The following ERC2 variants were observed in gnomAD, a reference collection of about 807,000 sequenced individuals.
The protein encoded by ERC2 is ERC protein 2.
Under a neutral mutation model 114.8 loss-of-function variants are expected in ERC2, and 42 were observed. The ratio of observed to expected loss-of-function variants is 0.37; its 90% CI spans 0.29 to 0.47. The LOEUF (loss-of-function observed/expected upper bound fraction) is 0.47, where lower values mean the gene tolerates loss of function less well. Among genes scored for constraint, ERC2 ranks in the 20% least tolerant of loss-of-function variants. The pLI is 0.99. For missense variants in ERC2, 939 were observed against 1,150.7 expected, an observed-to-expected ratio of 0.82 and a Z score of 2.66; for synonymous variants, 454 against 425.5, an observed-to-expected ratio of 1.07 and a Z score of -0.82.
At chr3:56,107,597 G>C (rs562786965) in intron 6 of ERC2, among the ~76,000 whole-genome samples, 1 of 152,082 alleles carries the variant, frequency 6.6e-6, no homozygotes, top group Non-Finnish European at 1.5e-5. Context: ...GCAACCACAA[G>C]AGCTAAAGCA....
intron 2 of ERC2, among the ~76,000 whole-genome samples, chr3:56,400,264 G>A (rs564866714): frequency 6.6e-6 from 1 of 152,174 alleles, no homozygotes; most frequent in South Asian, 2.1e-4. Context: ...GGGTTTGGAT[G>A]GTGTAGAAGT....
At chr3:56,437,910 T>G (rs903398215) in intron 1 of ERC2, among the ~76,000 whole-genome samples, 2 of 152,248 alleles carry the variant, frequency 1.3e-5, no homozygotes, top group African/African-American at 4.8e-5. Context: ...CTCACACTGT[T>G]GTAAAACACA....
chr3:56,352,425 A>G (rs1389146821), intron 2 of ERC2, among the ~76,000 whole-genome samples: 2 of 152,176 alleles, frequency 1.3e-5, no homozygotes, highest in Non-Finnish European at 2.9e-5. Flanking sequence ...TACAGCTAGG[A>G]TGCTGGAGAC....
At chr3:55,904,899 T>G (rs2064341471) in intron 13 of ERC2, among the ~76,000 whole-genome samples, 2 of 152,250 alleles carry the variant, frequency 1.3e-5, no homozygotes, top group South Asian at 4.1e-4. Flanking sequence ...CGGTCATTCC[T>G]GCTAAGGTTT....
At chr3:55,686,460 G>T (rs536158688) in intron 16 of ERC2, among the ~76,000 whole-genome samples, 2 of 152,308 alleles carry the variant, frequency 1.3e-5, no homozygotes, top group East Asian at 3.9e-4. Flanking sequence ...GTCAGAGTGA[G>T]TGTCCGTTTG....
chr3:55,856,685 G>C (rs1211568687), intron 14 of ERC2, among the ~76,000 whole-genome samples: 2 of 152,016 alleles, frequency 1.3e-5, no homozygotes, highest in Non-Finnish European at 2.9e-5. Flanking sequence ...CAAGAGAAAT[G>C]AAAACACATA....
At chr3:56,363,898 A>G (rs1031357114) in intron 2 of ERC2, among the ~76,000 whole-genome samples, 26 of 150,304 alleles carry the variant, frequency 1.7e-4, no homozygotes, top group Middle Eastern at 3.4e-3. Flanking sequence ...AGGGGAAGGG[A>G]AGGAAGGGAA....
chr3:55,872,736 T>G (rs1037683584), intron 14 of ERC2, among the ~76,000 whole-genome samples: 2 of 152,180 alleles, frequency 1.3e-5, no homozygotes, highest in African/African-American at 2.4e-5. Flanking sequence ...TCTCTAAGCT[T>G]TCTGAATCTA....
At chr3:56,371,355 C>T (rs1012289381) in intron 2 of ERC2, among the ~76,000 whole-genome samples, 2 of 152,184 alleles carry the variant, frequency 1.3e-5, no homozygotes, top group African/African-American at 2.4e-5. Context: ...CCATCTGCAG[C>T]TTCCCCAAGC....
chr3:55,672,998 C>T (rs1488175115), intron 17 of ERC2, among the ~76,000 whole-genome samples: 1 of 152,102 alleles, frequency 6.6e-6, no homozygotes, highest in Non-Finnish European at 1.5e-5. Flanking sequence ...TAGCTGGCAC[C>T]CTCACACATC....
intron 6 of ERC2, among the ~76,000 whole-genome samples, chr3:56,098,309 T>TTAAGAAG: frequency 6.6e-6 from 1 of 152,324 alleles, no homozygotes; most frequent in South Asian, 2.1e-4. Flanking sequence ...GCAGTCACCA[T>TTAAGAAG]CAACCAAAGT....
chr3:56,340,654 T>G lies in ERC2; in HGVS notation c.658-44219A>C, dbSNP rs570136769. 1.5e-3 allele frequency among the ~76,000 whole-genome samples: 234 copies of G among 151,700 alleles called. 1 individual carries two copies. The highest frequency in any genetic ancestry group is 1.0e-3 in the Non-Finnish European group (69 of 67,916). On this transcript the variant is annotated intron_variant, in intron 2 of 17. Coordinates refer to ENST00000288221, the MANE Select transcript of ERC2 (RefSeq NM_015576.3). ...TGGGGCAAGTTTTCTTTTAACAGCATGCATAATCGTCTGACAATTGCCCAC... is the reference window on the plus strand; with the variant it reads ...TGGGGCAAGTTTTCTTTTAACAGCAGGCATAATCGTCTGACAATTGCCCAC...
At chr3:55,984,678 T>C (rs1437858463) in intron 12 of ERC2, among the ~76,000 whole-genome samples, 9 of 152,242 alleles carry the variant, frequency 5.9e-5, no homozygotes, top group African/African-American at 2.2e-4. Flanking sequence ...GTCATTAAAT[T>C]TGAGAATAAG....
intron 14 of ERC2, among the ~76,000 whole-genome samples, chr3:55,745,448 A>T (rs1395348279): frequency 6.6e-6 from 1 of 152,222 alleles, no homozygotes; most frequent in African/African-American, 2.4e-5. Context: ...TAAATCTAGG[A>T]AGCAGGGAGG....
At chr3:56,359,122 G>A (rs1447454632) in intron 2 of ERC2, among the ~76,000 whole-genome samples, 1 of 152,194 alleles carries the variant, frequency 6.6e-6, no homozygotes, top group Non-Finnish European at 1.5e-5. Context: ...TGGCATATCT[G>A]CTAAAAGCCC....
At chr3:55,560,702 T>G (rs1469663736) in intron 17 of ERC2, among the ~76,000 whole-genome samples, 2 of 152,162 alleles carry the variant, frequency 1.3e-5, no homozygotes, top group African/African-American at 4.8e-5. Context: ...AATTCTGATA[T>G]GTAAGAAAAT....
At chr3:56,315,640 A>G (rs1323851816) in intron 2 of ERC2, among the ~76,000 whole-genome samples, 1 of 152,178 alleles carries the variant, frequency 6.6e-6, no homozygotes, top group African/African-American at 2.4e-5. Flanking sequence ...GTGAAATAGA[A>G]ATTTCTCCAA....
At chr3:56,020,296 C>T (rs977206858) in intron 7 of ERC2, among the ~76,000 whole-genome samples, 38 of 152,150 alleles carry the variant, frequency 2.5e-4, no homozygotes, top group Admixed American at 2.2e-3. Context: ...TTCTTCCAGC[C>T]TCCTTCCATC....
At chr3:56,227,788 A>G (rs1288399190) in intron 3 of ERC2, among the ~76,000 whole-genome samples, 1 of 152,200 alleles carries the variant, frequency 6.6e-6, no homozygotes, top group African/African-American at 2.4e-5. Context: ...CACCCAAGAG[A>G]AATGAGCGAA....
Sources: gnomAD v4.1 joint callset for allele counts (sites outside exome capture counted in the v4.1 genomes callset) on GRCh38, gnomAD v4.1.1 for gene constraint, MANE v1.5 for transcripts, NCBI Gene and HGNC (gene_info 2026-07-23, HGNC 2026-07-21) for gene names.